Variants in KSR2 observed in about 807,000 individuals in gnomAD.
KSR2 encodes the protein kinase suppressor of ras 2.
In KSR2, 25 loss-of-function variants were observed where a neutral mutation model predicts 107.8. The ratio of observed to expected loss-of-function variants is 0.23; its 90% CI spans 0.17 to 0.32. The LOEUF (loss-of-function observed/expected upper bound fraction) is 0.32, where lower values mean the gene tolerates loss of function less well. Among genes scored for constraint, KSR2 ranks in the 10% least tolerant of loss-of-function variants. The probability of loss-of-function intolerance (pLI) is 1.00; values close to 1 mark genes in which losing one functional copy is unlikely to be tolerated. For synonymous variants in KSR2, 480 were observed against 507.0 expected (o/e 0.95, Z 0.71); for missense variants, 887 against 1,268.9 (o/e 0.70, Z 4.57).
chr12:117,488,879 A>T (rs1485482778), intron 14 of KSR2, among the ~76,000 whole-genome samples: 1 of 152,066 alleles, frequency 6.6e-6, no homozygotes, highest in Non-Finnish European at 1.5e-5. Flanking sequence ...AGTCTGCAGT[A>T]CCGTGTCACG....
At chr12:117,534,975 C>A (rs112057277) in intron 10 of KSR2, among the ~76,000 whole-genome samples, 1 of 152,138 alleles carries the variant, frequency 6.6e-6, no homozygotes, top group African/African-American at 2.4e-5. Context: ...CAATGAAGCC[C>A]GTTTTGGACA....
chr12:117,691,044 T>A (rs1209962812), intron 4 of KSR2, among the ~76,000 whole-genome samples: 2 of 152,160 alleles, frequency 1.3e-5, no homozygotes, highest in Non-Finnish European at 2.9e-5. Context: ...GCAAACCTAC[T>A]CTCAAACACA....
chr12:117,562,622 G>C (rs959877023), intron 7 of KSR2, among the ~76,000 whole-genome samples: 1 of 152,110 alleles, frequency 6.6e-6, no homozygotes, highest in African/African-American at 2.4e-5. Context: ...AGTTTAACCT[G>C]TAGACCACTG....
rs118060035 is a variant in KSR2, at chr12:117,926,513, G to A, written c.180+41563C>T. Among the ~76,000 whole-genome samples, 1,399 of 152,266 alleles carry A rather than the reference G, an allele frequency of 9.2e-3. 15 individuals are homozygous for A. The highest frequency in any genetic ancestry group is 0.015 in the Non-Finnish European group (990 of 68,022). ...CAGGGCTGCTTCAGATGAGGAAAACGGTTGGCCTCTCTCTCTGGAGGGACT... is the reference window on the plus strand; with the variant it reads ...CAGGGCTGCTTCAGATGAGGAAAACAGTTGGCCTCTCTCTCTGGAGGGACT... On this transcript the variant is annotated intron_variant, in intron 1 of 19. Coordinates refer to ENST00000339824, the MANE Select transcript of KSR2 (RefSeq NM_173598.6).
chr12:117,673,145 T>C (rs937817377), intron 4 of KSR2, among the ~76,000 whole-genome samples: 7 of 152,178 alleles, frequency 4.6e-5, no homozygotes, highest in African/African-American at 1.7e-4. Flanking sequence ...CAATCTGTTT[T>C]ACCAACCATG....
chr12:117,698,212 T>C (rs1197668120), intron 4 of KSR2, among the ~76,000 whole-genome samples: 1 of 152,230 alleles, frequency 6.6e-6, no homozygotes, highest in Non-Finnish European at 1.5e-5. Flanking sequence ...ATCCAGTTTA[T>C]GGTACTTTGT....
intron 1 of KSR2, among the ~76,000 whole-genome samples, chr12:117,899,022 G>A (rs1457148237): frequency 6.6e-6 from 1 of 152,130 alleles, no homozygotes; most frequent in African/African-American, 2.4e-5. Context: ...TCCCTCCATA[G>A]AATCTTGGCG....
At chr12:117,628,960 T>C (rs1882673702) in intron 5 of KSR2, among the ~76,000 whole-genome samples, 1 of 152,232 alleles carries the variant, frequency 6.6e-6, no homozygotes, top group South Asian at 2.1e-4. Context: ...GATCTCGGAC[T>C]GCTGCGCTAG....
chr12:117,739,306 G>C (rs1888080431), intron 4 of KSR2, among the ~76,000 whole-genome samples: 1 of 152,130 alleles, frequency 6.6e-6, no homozygotes, highest in African/African-American at 2.4e-5. Flanking sequence ...AGTGAGCCGA[G>C]AGCGCGCCAC....
intron 9 of KSR2, among the ~76,000 whole-genome samples, chr12:117,552,273 C>T (rs558112205): frequency 1.3e-5 from 2 of 152,218 alleles, no homozygotes; most frequent in African/African-American, 2.4e-5. Flanking sequence ...TATTGAATTC[C>T]ATCCTCATAA....
At position 117,547,682 on chromosome 12, in the gene KSR2, C is replaced by T. The variant is rs942941410; in HGVS notation, c.1518+7487G>A. 2.0e-5 allele frequency among the ~76,000 whole-genome samples: 3 copies of T among 152,268 alleles called. No homozygotes were observed. In the East Asian group the frequency reaches 5.8e-4, roughly 29 times the overall value. On this transcript the variant is annotated intron_variant, in intron 9 of 19. Coordinates refer to ENST00000339824, the MANE Select transcript of KSR2 (RefSeq NM_173598.6). The stretch of plus-strand genomic sequence containing the variant: ...TAAAAGTTTTCTTGCTAAGCTGTCC[C>T]TTTCCTGGGCCTTTGACTAGATGGG...
intron 3 of KSR2, among the ~76,000 whole-genome samples, chr12:117,851,250 G>A (rs1892911410): frequency 6.6e-6 from 1 of 152,180 alleles, no homozygotes; most frequent in Non-Finnish European, 1.5e-5. Context: ...CTATGTGGAG[G>A]TAGGGGATCA....
chr12:117,852,827 G>T (rs1390898891), intron 3 of KSR2, among the ~76,000 whole-genome samples: 1 of 151,962 alleles, frequency 6.6e-6, no homozygotes, highest in African/African-American at 2.4e-5. Context: ...TTTTTGAAAT[G>T]GAGTCTCGCT....
At chr12:117,586,005 G>T (rs1879967596) in intron 5 of KSR2, among the ~76,000 whole-genome samples, 1 of 152,210 alleles carries the variant, frequency 6.6e-6, no homozygotes, top group Non-Finnish European at 1.5e-5. Context: ...TGCCCAGAAG[G>T]GGCTTTGCAC....
intron 6 of KSR2, among the ~76,000 whole-genome samples, chr12:117,580,203 T>A (rs180774960): frequency 5.3e-5 from 8 of 152,268 alleles, no homozygotes; most frequent in African/African-American, 1.7e-4. Flanking sequence ...CCAAACAGAA[T>A]AAGCCACAGC....
At chr12:117,758,212 A>T (rs1888865036) in intron 4 of KSR2, among the ~76,000 whole-genome samples, 1 of 152,242 alleles carries the variant, frequency 6.6e-6, no homozygotes, top group Non-Finnish European at 1.5e-5. Flanking sequence ...AGACCCAGGT[A>T]AATGATGACT....
intron 5 of KSR2, among the ~76,000 whole-genome samples, chr12:117,623,386 C>T (rs1003409585): frequency 3.9e-5 from 6 of 152,168 alleles, no homozygotes; most frequent in East Asian, 1.9e-4. Flanking sequence ...CCCCCAGCCC[C>T]GCACCCCGAT....
chr12:117,815,974 CA>C (rs55645570), intron 3 of KSR2, among the ~76,000 whole-genome samples: 56 of 114,880 alleles, frequency 4.9e-4, no homozygotes, highest in African/African-American at 5.6e-4. Context: ...AACTCTGTCT[CA>C]AAAAAAAAAA....
At position 117,527,036 on chromosome 12, in the gene KSR2, T is replaced by C. The variant is rs771576195; in HGVS notation, c.1851+35A>G. ...GCTTTGCCAAGTTCTGGGCAGTCCC[T>C]GGAAAATGTCGCTTCACTGCTCTCT... On this transcript the variant is annotated intron_variant, in intron 13 of 19. Transcript: ENST00000339824. 22 of 1,605,382 alleles carry C rather than the reference T, an allele frequency of 1.4e-5. 1 individual carries two copies. In the South Asian group the frequency reaches 2.1e-4, roughly 15 times the overall value.
Sources: gnomAD v4.1 joint callset for allele counts (sites outside exome capture counted in the v4.1 genomes callset) on GRCh38, gnomAD v4.1.1 for gene constraint, MANE v1.5 for transcripts, NCBI Gene and HGNC (gene_info 2026-07-23, HGNC 2026-07-21) for gene names.